Variants in SPTBN4 observed in about 807,000 individuals in gnomAD.
SPTBN4 encodes the protein spectrin beta chain, non-erythrocytic 4.
Under a neutral mutation model 277.8 loss-of-function variants are expected in SPTBN4, and 96 were observed. The ratio of observed to expected loss-of-function variants is 0.35; its 90% CI spans 0.29 to 0.41. The LOEUF is 0.41. Among genes scored for constraint, SPTBN4 ranks in the 10% least tolerant of loss-of-function variants. SPTBN4 has a pLI of 1.00. For synonymous variants in SPTBN4, 1,481 were observed against 1,580.3 expected (o/e 0.94, Z 1.49); for missense variants, 3,006 against 3,595.7 (o/e 0.84, Z 4.19).
At chr19:40,468,196 G>T (rs1211323780) in intron 1 of SPTBN4, among the ~76,000 whole-genome samples, 2 of 151,848 alleles carry the variant, frequency 1.3e-5, no homozygotes, top group African/African-American at 4.8e-5. Flanking sequence ...TCCTGCCTCA[G>T]CCTCCCAAGT....
Position 40,523,471 on chromosome 19 carries a change from C to T in SPTBN4, c.3689C>T (p.Thr1230Ile). The change falls in exon 17 of 36, where the codon ACA becomes ATA. Residue 1230 changes from threonine to isoleucine, a missense_variant. By Grantham distance (89) the Thr-to-Ile change is moderately conservative. Around this residue, in one of 5 missense-constraint regions of SPTBN4, gnomAD observed 1,759 missense variants for 2,061.5 expected, o/e 0.85. Transcript: ENST00000598249. ...CTGTCTGGTGCGGAGCTCCCGGGCA[C>T]AGTGGAATCGGTGGAGGAGGCCTTG... The part of the protein sequence containing the change: ...MALSGAELPG[T>I]VESVEEALKQ... 6.2e-7 allele frequency: 1 copy of T among 1,612,342 alleles called. No individual in the cohort carries two copies. The highest frequency in any genetic ancestry group is 8.5e-7 in the Non-Finnish European group (1 of 1,179,258).
chr19:40,541,007 CACTT>C (rs2080795800), intron 20 of SPTBN4, among the ~76,000 whole-genome samples: 1 of 152,118 alleles, frequency 6.6e-6, no homozygotes, highest in African/African-American at 2.4e-5. Context: ...TCCTTGCCAA[CACTT>C]GGTTTTGTCA....
At chr19:40,523,874 G>C (rs1446918247) in intron 17 of SPTBN4, among the ~76,000 whole-genome samples, 2 of 152,118 alleles carry the variant, frequency 1.3e-5, no homozygotes, top group Non-Finnish European at 2.9e-5. Context: ...CACGATCTCG[G>C]CTCACTGCAA....
At chr19:40,478,173 A>G (rs1006658800) in intron 2 of SPTBN4, among the ~76,000 whole-genome samples, 3 of 152,144 alleles carry the variant, frequency 2.0e-5, no homozygotes, top group African/African-American at 7.2e-5. Flanking sequence ...GCGGGGTACC[A>G]GGGAGCTATG....
chr19:40,488,164 G>C (rs1230330661), intron 3 of SPTBN4, among the ~76,000 whole-genome samples: 1 of 152,040 alleles, frequency 6.6e-6, no homozygotes, highest in Non-Finnish European at 1.5e-5. Flanking sequence ...AGAGAAGGGA[G>C]GAGCTTTGTT....
chr19:40,537,519 A>T (rs535097326), intron 20 of SPTBN4, among the ~76,000 whole-genome samples: 1 of 152,300 alleles, frequency 6.6e-6, no homozygotes, highest in South Asian at 2.1e-4. Flanking sequence ...GATCTCAGGG[A>T]TCCCCCAGGG....
intron 27 of SPTBN4, among the ~76,000 whole-genome samples, chr19:40,562,200 A>G (rs922396831): frequency 6.6e-6 from 1 of 152,094 alleles, no homozygotes; most frequent in African/African-American, 2.4e-5. Context: ...GCCATGCGAG[A>G]GTTTAGAGCA....
At chr19:40,469,676 C>G (rs1157799342) in intron 1 of SPTBN4, among the ~76,000 whole-genome samples, 1 of 151,954 alleles carries the variant, frequency 6.6e-6, no homozygotes, top group Non-Finnish European at 1.5e-5. Context: ...TGGAGTCTCA[C>G]TCTCTCACCC....
Position 40,519,993 on chromosome 19 carries a change from C to T in SPTBN4, c.3496C>T (p.Pro1166Ser), listed in dbSNP as rs772816268. 6 of 1,560,870 alleles carry T rather than the reference C, an allele frequency of 3.8e-6. No individual in the cohort carries two copies. The East Asian group carries it at 1.2e-4, about 31-fold the overall frequency. The part of the protein sequence containing the change: ...LLAADGAELG[P>S]GLALDEWLPH... ...GGCCGCCGACGGCGCAGAGCTGGGCCCGGGCCTGGCACTAGACGAGTGGCT... is the reference window on the plus strand; with the variant it reads ...GGCCGCCGACGGCGCAGAGCTGGGCTCGGGCCTGGCACTAGACGAGTGGCT... The change falls in exon 16 of 36, where the codon CCG becomes TCG. Residue 1166 changes from proline to serine, a missense_variant. Coordinates refer to ENST00000598249, the MANE Select transcript of SPTBN4 (RefSeq NM_020971.3). The surrounding 1 kb of genome is among the most constrained non-coding windows in gnomAD (Gnocchi z 5.7).
chr19:40,482,302 C>T (rs938336585), intron 2 of SPTBN4, among the ~76,000 whole-genome samples: 10 of 151,986 alleles, frequency 6.6e-5, no homozygotes, highest in African/African-American at 2.2e-4. Context: ...AACTCCTGGC[C>T]TCAAGCAATC....
At chr19:40,564,400 A>G (rs994426203) in intron 27 of SPTBN4, among the ~76,000 whole-genome samples, 7 of 152,222 alleles carry the variant, frequency 4.6e-5, no homozygotes, top group Non-Finnish European at 7.3e-5. Flanking sequence ...TCTGGTGTGC[A>G]TTTTACACTT....
At chr19:40,571,370 C>T (rs1470305138) in intron 33 of SPTBN4, among the ~76,000 whole-genome samples, 2 of 152,148 alleles carry the variant, frequency 1.3e-5, no homozygotes, top group Non-Finnish European at 2.9e-5. Flanking sequence ...TGTGCCTGCT[C>T]TTGGGGAGTC....
chr19:40,523,420 C>G lies in SPTBN4; in HGVS notation c.3655-17C>G. On this transcript the variant is annotated splice_polypyrimidine_tract_variant and intron_variant, in intron 16 of 35. Transcript: ENST00000598249. Reference sequence around the variant, plus strand: ...TGGAATGAGGCTGACCTTTGCACCACGCTCCCTCCTCCCCAGGAGATGGCG... The same window carrying G: ...TGGAATGAGGCTGACCTTTGCACCAGGCTCCCTCCTCCCCAGGAGATGGCG... 1 of 1,577,778 alleles carries G rather than the reference C, an allele frequency of 6.3e-7. No homozygotes were observed. The highest frequency in any genetic ancestry group is 8.6e-7 in the Non-Finnish European group (1 of 1,160,484).
chr19:40,544,584 A>G (rs2080839389), intron 20 of SPTBN4, among the ~76,000 whole-genome samples: 2 of 149,800 alleles, frequency 1.3e-5, no homozygotes, highest in Non-Finnish European at 1.5e-5. Flanking sequence ...AGTAGCTGGG[A>G]TTACAGGTGT....
At chr19:40,555,514 GA>G (rs796173892) in intron 24 of SPTBN4, among the ~76,000 whole-genome samples, 79 of 140,022 alleles carry the variant, frequency 5.6e-4, no homozygotes, top group African/African-American at 1.8e-3. Flanking sequence ...AAAAAGAAAA[GA>G]AAAAAAAAGA....
intron 2 of SPTBN4, among the ~76,000 whole-genome samples, chr19:40,478,705 C>T (rs1323407778): frequency 1.3e-5 from 2 of 152,070 alleles, no homozygotes; most frequent in Non-Finnish European, 2.9e-5. Context: ...GTCACCACGC[C>T]CAGCTAATAT....
rs1022846614 is a variant in SPTBN4 at position 40,567,942 on chromosome 19, G to A, written c.6616G>A (p.Ala2206Thr). ...GATCCCGGGGAGGGTGGAGCCCGCG[G>A]CCCTGCCGGCCGCACCAGAGGACGC... is the stretch of plus-strand genomic sequence containing the variant. ...PEIPGRVEPA[A>T]LPAAPEDAAE... The change falls in exon 31 of 36, where the codon GCC becomes ACC. Residue 2206 changes from alanine to threonine, a missense_variant. Around this residue, in one of 5 missense-constraint regions of SPTBN4, gnomAD observed 630 missense variants for 677.6 expected, o/e 0.93. Coordinates refer to ENST00000598249, the MANE Select transcript of SPTBN4 (RefSeq NM_020971.3). The A allele has an allele frequency of 4.0e-6, 6 of 1,511,628 alleles. No homozygotes were observed. The African/African-American group carries it at 5.8e-5, about 15-fold the overall frequency. 93.6% of individuals were successfully genotyped at this position (1,511,628 alleles called of 1,614,324 possible).
intron 2 of SPTBN4, among the ~76,000 whole-genome samples, chr19:40,477,106 C>G (rs2079957711): frequency 6.6e-6 from 1 of 151,350 alleles, no homozygotes; most frequent in Non-Finnish European, 1.5e-5. Context: ...TGATAAAAAT[C>G]ATAGCTCACT....
At chr19:40,534,037 T>A in intron 19 of SPTBN4, 43 bp from the exon 20 acceptor site, 1 of 1,556,604 alleles carries the variant, frequency 6.4e-7, no homozygotes. Context: ...CCCCACCATC[T>A]ATCTATCTTC....
Sources: gnomAD v4.1 joint callset for allele counts (sites outside exome capture counted in the v4.1 genomes callset) on GRCh38, gnomAD v4.1.1 for gene constraint, gnomAD v4.1.1 regional missense constraint, Gnocchi (gnomAD v3.1) non-coding constraint, MANE v1.5 for transcripts, NCBI Gene and HGNC (gene_info 2026-07-23, HGNC 2026-07-21) for gene names.